Variants in KLHL20 observed in about 807,000 individuals in gnomAD.
KLHL20 encodes the protein kelch like family member 20.
KLHL20 carries 29 observed loss-of-function variants against 69.5 expected under a neutral mutation model. That is an observed-to-expected ratio of 0.42 (90% CI 0.31 to 0.57). KLHL20 has a LOEUF of 0.57. Among genes scored for constraint, KLHL20 ranks in the 20% least tolerant of loss-of-function variants. The probability of loss-of-function intolerance (pLI) is 0.18; values close to 1 mark genes in which losing one functional copy is unlikely to be tolerated. For synonymous variants in KLHL20, 253 were observed against 265.2 expected (o/e 0.95, Z 0.45); for missense variants, 419 against 776.0 (o/e 0.54, Z 5.47).
chr1:173,742,297 G>A lies in KLHL20; in HGVS notation c.597+8011G>A, dbSNP rs1392701590. 2.0e-5 allele frequency among the ~76,000 whole-genome samples: 3 copies of A among 152,084 alleles called. 1 individual carries two copies. The highest frequency in any genetic ancestry group is 4.1e-4 in the South Asian group (2 of 4,828). On this transcript the variant is annotated intron_variant, in intron 3 of 11. Transcript: ENST00000209884. ...GTACAACCCTTTTGAAAGGAACTACGGCGGTATCTATCAAAGTTACATACT... is the reference window on the plus strand; with the variant it reads ...GTACAACCCTTTTGAAAGGAACTACAGCGGTATCTATCAAAGTTACATACT...
At position 173,733,817 on chromosome 1, in the gene KLHL20, T is replaced by A. The variant is rs1473282646; in HGVS notation, c.128T>A (p.Met43Lys). The A allele has an allele frequency of 6.2e-7, 1 of 1,614,182 alleles. No homozygotes were observed. Among genetic ancestry groups the A allele is most frequent in the East Asian group, 2.2e-5 (1 of 44,886 alleles). The stretch of plus-strand genomic sequence containing the variant: ...GAAGGGGTTCCCCAACCTGCCCGCA[T>A]GCCCTATATCTCAGACAAGCACCCT... The part of the protein sequence containing the change: ...LPEGVPQPAR[M>K]PYISDKHPRQ... The change falls in exon 3 of 12, where the codon ATG becomes AAG. Residue 43 changes from methionine (M) to lysine (K), a missense_variant. By Grantham distance (95) the Met-to-Lys change is moderately conservative (BLOSUM62 -1). Around this residue, in one of 6 missense-constraint regions of KLHL20, gnomAD observed 129 missense variants for 183.6 expected, o/e 0.70. Coordinates refer to ENST00000209884, the MANE Select transcript of KLHL20 (RefSeq NM_014458.4).
chr1:173,748,553 T>G (rs1673169847), intron 3 of KLHL20, among the ~76,000 whole-genome samples: 1 of 152,172 alleles, frequency 6.6e-6, no homozygotes, highest in Non-Finnish European at 1.5e-5. Flanking sequence ...GACTTGTCTC[T>G]TCATTTCTTC....
At chr1:173,773,405 G>T (rs1648233165) in intron 8 of KLHL20, among the ~76,000 whole-genome samples, 1 of 150,506 alleles carries the variant, frequency 6.6e-6, no homozygotes, top group African/African-American at 2.4e-5. Flanking sequence ...AACACAGCAA[G>T]ACCCCTATTT....
chr1:173,718,559 A>AG (rs1671565467), intron 2 of KLHL20, among the ~76,000 whole-genome samples: 1 of 151,756 alleles, frequency 6.6e-6, no homozygotes. Context: ...AAAAAAAAAA[A>AG]AAGACACAAA....
rs1335885007 is a variant in KLHL20, at chr1:173,740,969, AGG to A, written c.597+6685_597+6686del. 5.3e-4 allele frequency among the ~76,000 whole-genome samples: 81 copies of A among 152,278 alleles called. 2 individuals are homozygous for A. In the South Asian group the frequency reaches 0.012, roughly 23 times the overall value. ...AGATAAAGTCAGAAATGGCTTCCCTAGGGACCAGGACTGCCTACAGGGCTTTT... is the reference window on the plus strand; with the variant it reads ...AGATAAAGTCAGAAATGGCTTCCCTAGACCAGGACTGCCTACAGGGCTTTT... On this transcript the variant is annotated intron_variant, in intron 3 of 11. Transcript: ENST00000209884.
chr1:173,736,565 T>A (rs1323449436), intron 3 of KLHL20, among the ~76,000 whole-genome samples: 1 of 151,972 alleles, frequency 6.6e-6, no homozygotes, highest in Non-Finnish European at 1.5e-5. Context: ...GTAAAAGTGT[T>A]CCCTTTTCAC....
At chr1:173,740,270 C>T (rs908277954) in intron 3 of KLHL20, among the ~76,000 whole-genome samples, 5 of 151,074 alleles carry the variant, frequency 3.3e-5, no homozygotes, top group African/African-American at 1.2e-4. Flanking sequence ...CTACAGGCAC[C>T]TGCCACCACG....
chr1:173,729,336 C>T, intron 2 of KLHL20, among the ~76,000 whole-genome samples: 1 of 152,156 alleles, frequency 6.6e-6, no homozygotes, highest in East Asian at 1.9e-4. Flanking sequence ...CTATTCCAAT[C>T]AATAGAAAAA....
At chr1:173,759,683 A>G (rs1673706271) in intron 7 of KLHL20, among the ~76,000 whole-genome samples, 1 of 152,204 alleles carries the variant, frequency 6.6e-6, no homozygotes, top group South Asian at 2.1e-4. Context: ...AGAGAATACT[A>G]CATCAAGGGA....
intron 3 of KLHL20, chr1:173,734,591 A>T: frequency 3.2e-6 from 1 of 311,352 alleles, no homozygotes; most frequent in Non-Finnish European, 6.1e-6. Context: ...TATGCCTGAT[A>T]GGATACCTGG....
chr1:173,774,087 A>G (rs1648293377), intron 8 of KLHL20, among the ~76,000 whole-genome samples: 1 of 152,064 alleles, frequency 6.6e-6, no homozygotes, highest in South Asian at 2.1e-4. Flanking sequence ...TTTCCTTGGG[A>G]CATTTTCCAA....
chr1:173,785,064 C>T, intron 11 of KLHL20, 99 bp from the exon 12 acceptor site: 1 of 886,026 alleles, frequency 1.1e-6, no homozygotes, highest in Non-Finnish European at 1.8e-6. Flanking sequence ...TAATATAAAA[C>T]ATAGAAACGT....
At chr1:173,740,609 A>C (rs1157920036) in intron 3 of KLHL20, among the ~76,000 whole-genome samples, 1 of 152,084 alleles carries the variant, frequency 6.6e-6, no homozygotes, top group Non-Finnish European at 1.5e-5. Context: ...TTGTCAGTTT[A>C]AAGAATTTTT....
chr1:173,734,030 T>C lies in KLHL20; in HGVS notation c.341T>C (p.Ile114Thr), dbSNP rs774889677. The change falls in exon 3 of 12, where the codon ATT (isoleucine) becomes ACT (threonine). Residue 114 changes from isoleucine (I) to threonine (T), a missense_variant. Ile to Thr is a moderately conservative substitution (Grantham distance 89, BLOSUM62 -1). Transcript: ENST00000209884. ...SRQTEVVIRD[I>T]DERAMELLID... Reference sequence around the variant, plus strand: ...CAGACAGAAGTAGTGATCCGAGACATTGACGAGAGGGCTATGGAATTACTG... The same window carrying C: ...CAGACAGAAGTAGTGATCCGAGACACTGACGAGAGGGCTATGGAATTACTG... 2 of 1,614,116 alleles carry C rather than the reference T, an allele frequency of 1.2e-6. No individual in the cohort carries two copies. Among genetic ancestry groups the C allele is most frequent in the Non-Finnish European group, 1.7e-6 (2 of 1,180,004 alleles).
At chr1:173,725,757 C>A (rs1473253725) in intron 2 of KLHL20, among the ~76,000 whole-genome samples, 1 of 152,138 alleles carries the variant, frequency 6.6e-6, no homozygotes, top group African/African-American at 2.4e-5. Flanking sequence ...TGTTTAAAAA[C>A]CAAAAACGAG....
chr1:173,778,782 C>T (rs530783151), intron 10 of KLHL20, among the ~76,000 whole-genome samples: 1 of 152,142 alleles, frequency 6.6e-6, no homozygotes, highest in African/African-American at 2.4e-5. Context: ...CTCTAATTAT[C>T]CTTTGAATGT....
At chr1:173,749,415 G>T (rs73035130) in intron 3 of KLHL20, among the ~76,000 whole-genome samples, 3,857 of 152,184 alleles carry the variant, frequency 0.025, 177 homozygotes, top group African/African-American at 0.089. Flanking sequence ...TTAGAGTTCA[G>T]ATCGCCTCTA....
At chr1:173,770,924 A>T (rs909178850) in intron 8 of KLHL20, among the ~76,000 whole-genome samples, 1 of 152,156 alleles carries the variant, frequency 6.6e-6, no homozygotes, top group African/African-American at 2.4e-5. Context: ...GAACACCAAG[A>T]CATATGCTAA....
At position 173,725,192 on chromosome 1, in the gene KLHL20, A is replaced by G. The variant is rs114021790; in HGVS notation, c.24-8521A>G. Reference sequence around the variant, plus strand: ...AACAAAACCTCATTTTGAATTGCTAAATCATCCTAGAAACTCTTCCCTCTC... The same window carrying G: ...AACAAAACCTCATTTTGAATTGCTAGATCATCCTAGAAACTCTTCCCTCTC... On this transcript the variant is annotated intron_variant, in intron 2 of 11. Coordinates refer to ENST00000209884, the MANE Select transcript of KLHL20 (RefSeq NM_014458.4). Among the ~76,000 whole-genome samples, 1,153 of 152,308 alleles carry G rather than the reference A, an allele frequency of 7.6e-3. 12 individuals are homozygous for G. Among genetic ancestry groups the G allele is most frequent in the African/African-American group, 0.025 (1,028 of 41,564 alleles).
Sources: allele counts gnomAD v4.1 joint callset (sites outside exome capture counted in the v4.1 genomes callset), GRCh38; gene constraint gnomAD v4.1.1; regional missense constraint gnomAD v4.1.1; transcripts MANE v1.5; gene names NCBI Gene and HGNC (gene_info 2026-07-23, HGNC 2026-07-21).